ANXA6: variants seen among roughly 807,000 people sequenced by gnomAD.
ANXA6 encodes annexin A6.
Under a neutral mutation model 95.4 loss-of-function variants are expected in ANXA6, and 71 were observed. That is an observed-to-expected ratio of 0.74 (90% CI 0.61 to 0.91). The LOEUF (loss-of-function observed/expected upper bound fraction) is 0.91. ANXA6 is among the 40% of genes least tolerant of loss of function. The pLI is 0.00. For synonymous variants in ANXA6, 289 were observed against 315.9 expected (o/e 0.91, Z 0.90); for missense variants, 830 against 876.4 (o/e 0.95, Z 0.67).
chr5:151,131,074 C>T (rs1188922551), intron 11 of ANXA6, among the ~76,000 whole-genome samples, 157 bp downstream of exon 11: 5 of 152,214 alleles, frequency 3.3e-5, no homozygotes, highest in Non-Finnish European at 5.9e-5. Flanking sequence ...AGCAGCATTC[C>T]TGGCTCTACA....
chr5:151,101,579 C>T, intron 25 of ANXA6, 72 bp from the exon 26 acceptor site: 1 of 1,370,802 alleles, frequency 7.3e-7, no homozygotes, highest in Non-Finnish European at 1.0e-6. Flanking sequence ...CCCGGCTGCC[C>T]ATCTGTCTGG....
At chr5:151,154,519 C>A (rs1363200538) in intron 1 of ANXA6, among the ~76,000 whole-genome samples, 1 of 152,142 alleles carries the variant, frequency 6.6e-6, no homozygotes, top group Non-Finnish European at 1.5e-5. Flanking sequence ...GGCCCCTGGC[C>A]TATAAAATCT....
chr5:151,147,150 G>A (rs1008940624), intron 2 of ANXA6, among the ~76,000 whole-genome samples: 23 of 152,182 alleles, frequency 1.5e-4, no homozygotes, highest in African/African-American at 4.8e-4. Flanking sequence ...GGGAGTAAAA[G>A]TTCTCAGGTG....
intron 3 of ANXA6, 54 bp downstream of exon 3, chr5:151,140,099 C>G: frequency 6.5e-7 from 1 of 1,541,462 alleles, no homozygotes; most frequent in Non-Finnish European, 8.9e-7. Flanking sequence ...GGGCTCTGGG[C>G]TGTGTCTACT....
chr5:151,146,504 A>C (rs1765978969), intron 2 of ANXA6, among the ~76,000 whole-genome samples: 1 of 152,196 alleles, frequency 6.6e-6, no homozygotes, highest in South Asian at 2.1e-4. Context: ...GCCCAGGTTC[A>C]CTGGGGGCAG....
rs776473768 is a variant in ANXA6 at position 151,108,526 on chromosome 5, G to A, written c.1709C>T (p.Thr570Ile). 9.3e-6 allele frequency: 15 copies of A among 1,613,796 alleles called. No homozygotes were observed. The change falls in exon 23 of 26, where the codon ACC becomes ATC. Residue 570 changes from threonine (T) to isoleucine (I), a missense_variant. Physicochemically the swap from Thr to Ile is moderately conservative, Grantham distance 89. Transcript: ENST00000354546. ...RRVFQEFIKM[T>I]NYDVEHTIKK... ...GATGGTGTGCTCCACGTCATAGTTGGTCATCTTGATGAACTCCTGGAAGAC... is the reference window on the plus strand; with the variant it reads ...GATGGTGTGCTCCACGTCATAGTTGATCATCTTGATGAACTCCTGGAAGAC...
At chr5:151,115,552 C>G (rs1395509511) in intron 20 of ANXA6, among the ~76,000 whole-genome samples, 2 of 152,196 alleles carry the variant, frequency 1.3e-5, no homozygotes, top group African/African-American at 2.4e-5. Context: ...CAGAAGCATT[C>G]CCTGGAAGAT....
chr5:151,107,831 C>A (rs146629206), intron 23 of ANXA6, among the ~76,000 whole-genome samples: 3 of 152,096 alleles, frequency 2.0e-5, no homozygotes, highest in African/African-American at 7.2e-5. Flanking sequence ...AAGCCAGGTA[C>A]TGAGAGGAGA....
intron 25 of ANXA6, among the ~76,000 whole-genome samples, chr5:151,103,078 C>A (rs535433330): frequency 6.6e-6 from 1 of 152,258 alleles, no homozygotes; most frequent in Non-Finnish European, 1.5e-5. Flanking sequence ...CTCACTGCAA[C>A]CTCTACCTCC....
At position 151,140,183 on chromosome 5, in the gene ANXA6, C is replaced by T. The variant is rs779137265; in HGVS notation, c.79G>A (p.Glu27Lys). 7.1e-5 allele frequency: 114 copies of T among 1,613,830 alleles called. No individual in the cohort carries two copies. Among genetic ancestry groups the T allele is most frequent in the Non-Finnish European group, 9.0e-5 (106 of 1,179,892 alleles). Residue 27 changes from glutamate (E) to lysine (K), a missense_variant, in exon 3 of 26, where the codon GAG becomes AAG. By Grantham distance (56) the Glu-to-Lys change is moderately conservative (BLOSUM62 1). Coordinates refer to ENST00000354546, the MANE Select transcript of ANXA6 (RefSeq NM_001155.5). ...CCCTTCATGGCAGTGTACAGAGCCTCGGCATCCTGGTTGGGGTCAAAGCCT... is the reference window on the plus strand; with the variant it reads ...CCCTTCATGGCAGTGTACAGAGCCTTGGCATCCTGGTTGGGGTCAAAGCCT... ...FPGFDPNQDA[E>K]ALYTAMKGFG...
chr5:151,136,407 C>A, intron 6 of ANXA6, 72 bp from the exon 7 acceptor site: 2 of 1,402,994 alleles, frequency 1.4e-6, no homozygotes, highest in Admixed American at 1.9e-5. Context: ...GGCCCTGCTG[C>A]CCCCAAAATG....
At chr5:151,122,857 T>G in intron 16 of ANXA6, 60 bp downstream of exon 16, 1 of 1,487,640 alleles carries the variant, frequency 6.7e-7, no homozygotes, top group Non-Finnish European at 9.4e-7. Context: ...GGGGACAGGC[T>G]GAGCTCAATC....
At chr5:151,143,497 A>G (rs1765890969) in intron 2 of ANXA6, among the ~76,000 whole-genome samples, 1 of 152,108 alleles carries the variant, frequency 6.6e-6, no homozygotes, top group East Asian at 1.9e-4. Context: ...CCTACCATTC[A>G]TTCATTCAAT....
At chr5:151,119,223 A>C in intron 18 of ANXA6, 77 bp downstream of exon 18, 8 of 1,216,470 alleles carry the variant, frequency 6.6e-6, no homozygotes, top group South Asian at 2.4e-5. Flanking sequence ...AGTCCTGGGC[A>C]GAGCTGTGGG....
chr5:151,138,811 A>G lies in ANXA6; in HGVS notation c.205-20T>C. 6.5e-7 allele frequency: 1 copy of G among 1,529,984 alleles called. No individual in the cohort carries two copies. Among genetic ancestry groups the G allele is most frequent in the Middle Eastern group, 1.7e-4 (1 of 5,928 alleles). The allele number at this position is 1,529,984 out of a possible 1,614,324, so 94.8% of individuals were successfully genotyped here. On this transcript the variant is annotated intron_variant, in intron 4 of 25. Coordinates refer to ENST00000354546, the MANE Select transcript of ANXA6 (RefSeq NM_001155.5). ...GAGGTCCTGGCAGGTGGGGAAGAAG[A>G]GGAGATAGAAGAGGAAAGAGGAAGA... is the stretch of plus-strand genomic sequence containing the variant.
chr5:151,126,368 C>A, intron 14 of ANXA6, 34 bp downstream of exon 14: 1 of 1,571,390 alleles, frequency 6.4e-7, no homozygotes, highest in South Asian at 1.2e-5. Context: ...AAGCTGTGGT[C>A]AAGAGGTCAA....
At chr5:151,138,643 C>T in intron 5 of ANXA6, 35 bp downstream of exon 5, 2 of 1,500,922 alleles carry the variant, frequency 1.3e-6, no homozygotes. Context: ...TAACCACATC[C>T]CCACCCCAAC....
Position 151,107,240 on chromosome 5 carries a change from C to T in ANXA6, c.1780+1215G>A, listed in dbSNP as rs146833304. Among the ~76,000 whole-genome samples, 989 of 152,332 alleles carry T rather than the reference C, an allele frequency of 6.5e-3. 3 individuals carry two copies. The highest frequency in any genetic ancestry group is 0.041 in the Middle Eastern group (12 of 294). Reference sequence around the variant, plus strand: ...GTGAGTATTACATGCCAAGAGGCACCGTTCCAAGTGCTTTACATATAATTA... The same window carrying T: ...GTGAGTATTACATGCCAAGAGGCACTGTTCCAAGTGCTTTACATATAATTA... On this transcript the variant is annotated intron_variant, in intron 23 of 25. Transcript: ENST00000354546.
At chr5:151,139,192 T>C in intron 4 of ANXA6, 161 bp downstream of exon 4, 1 of 611,808 alleles carries the variant, frequency 1.6e-6, no homozygotes, top group South Asian at 2.0e-5. Context: ...TATTAAAGGC[T>C]GAAAGACGCC....
Sources: gnomAD v4.1 joint callset for allele counts (sites outside exome capture counted in the v4.1 genomes callset) on GRCh38, gnomAD v4.1.1 for gene constraint, MANE v1.5 for transcripts, NCBI Gene and HGNC (gene_info 2026-07-23, HGNC 2026-07-21) for gene names.